CDK1: variants seen among roughly 807,000 people sequenced by gnomAD.
The protein encoded by CDK1 is cyclin dependent kinase 1.
In CDK1, 5 loss-of-function variants were observed where a neutral mutation model predicts 34.6. The ratio of observed to expected loss-of-function variants is 0.14; its 90% CI spans 0.08 to 0.30. CDK1 has a LOEUF of 0.30. Among genes scored for constraint, CDK1 ranks in the 10% least tolerant of loss-of-function variants. The pLI, the probability that CDK1 is intolerant of heterozygous loss-of-function variation, is 1.00. For synonymous variants in CDK1, 108 were observed against 114.7 expected, an observed-to-expected ratio of 0.94 and a Z score of 0.37; for missense variants, 157 against 345.7, an observed-to-expected ratio of 0.45 and a Z score of 4.33.
chr10:60,779,094 C>A (rs1013945123), intron 1 of CDK1, among the ~76,000 whole-genome samples: 4 of 152,240 alleles, frequency 2.6e-5, no homozygotes, highest in African/African-American at 9.6e-5. Flanking sequence ...CTTGCTCTGC[C>A]CACGGCCCCG....
rs534162251 is a variant in CDK1 at position 60,779,883 on chromosome 10, GTTA to G, written c.-25-255_-25-253del. Among the ~76,000 whole-genome samples, 815 of 152,276 alleles carry G rather than the reference GTTA, an allele frequency of 5.4e-3. 5 individuals carry two copies. The highest frequency in any genetic ancestry group is 0.02 in the Middle Eastern group (6 of 294). Reference sequence around the variant, plus strand: ...GACAAGTTGATACCTGAATTTGAGGGTTATTTTGATTGGAAGAAGCTAAATACT... The same window carrying G: ...GACAAGTTGATACCTGAATTTGAGGGTTTTGATTGGAAGAAGCTAAATACT... On this transcript the variant is annotated intron_variant, in intron 1 of 7. Coordinates refer to ENST00000395284, the MANE Select transcript of CDK1 (RefSeq NM_001786.5).
intron 2 of CDK1, among the ~76,000 whole-genome samples, chr10:60,781,764 C>T (rs896618465): frequency 1.3e-5 from 2 of 152,052 alleles, no homozygotes; most frequent in African/African-American, 4.8e-5. Context: ...TTATCTCCTC[C>T]TCTAGTCCAA....
intron 3 of CDK1, among the ~76,000 whole-genome samples, chr10:60,785,218 A>C (rs1229005888): frequency 6.6e-6 from 1 of 152,200 alleles, no homozygotes; most frequent in Non-Finnish European, 1.5e-5. Flanking sequence ...GCTAGGTCAA[A>C]TGAAAAAGAT....
chr10:60,783,952 C>T (rs1465700770), intron 2 of CDK1, among the ~76,000 whole-genome samples: 2 of 152,138 alleles, frequency 1.3e-5, no homozygotes, highest in Non-Finnish European at 2.9e-5. Context: ...TTTTGAGATA[C>T]AGATAAAAGT....
At chr10:60,793,816 A>T in intron 7 of CDK1, 61 bp from the exon 8 acceptor site, 2 of 882,286 alleles carry the variant, frequency 2.3e-6, no homozygotes, top group East Asian at 2.7e-5. Context: ...GGTTTTATGG[A>T]GATTTTTGTA....
chr10:60,791,012 G>T (rs1293477155), intron 5 of CDK1, among the ~76,000 whole-genome samples: 2 of 152,020 alleles, frequency 1.3e-5, no homozygotes, highest in African/African-American at 2.4e-5. Context: ...GCTATTGTGG[G>T]TCTTTTTTGG....
rs978538324 is a variant in CDK1, at chr10:60,784,695, T to C, written c.38-10T>C. ...GTGTGTCACACAGCATATTATTTAC[T>C]TTGTTTCAGGTACCTATGGAGTTGT... is the stretch of plus-strand genomic sequence containing the variant. On this transcript the variant is annotated splice_polypyrimidine_tract_variant and intron_variant, in intron 2 of 7. Transcript: ENST00000395284. 1.0e-5 allele frequency: 16 copies of C among 1,603,402 alleles called. No individual in the cohort carries two copies. Among genetic ancestry groups the C allele is most frequent in the African/African-American group, 1.3e-5 (1 of 74,324 alleles).
chr10:60,778,617 C>T (rs3213019), intron 1 of CDK1, 47 bp downstream of exon 1: 5 of 152,366 alleles, frequency 3.3e-5, no homozygotes, highest in African/African-American at 1.2e-4. Flanking sequence ...GGCCGAGGGC[C>T]TCGGAGGGCG....
intron 4 of CDK1, chr10:60,786,182 A>G: frequency 1.1e-6 from 1 of 902,318 alleles, no homozygotes; most frequent in Non-Finnish European, 1.3e-6. Flanking sequence ...TTTCAGGTAA[A>G]TTATAAAATT....
At chr10:60,779,442 C>G (rs1000728643) in intron 1 of CDK1, among the ~76,000 whole-genome samples, 3 of 151,764 alleles carry the variant, frequency 2.0e-5, no homozygotes, top group African/African-American at 7.3e-5. Context: ...CTGCTTAGTC[C>G]TTGACATTGT....
At chr10:60,786,347 C>T (rs1232333209) in intron 4 of CDK1, 1 of 879,630 alleles carries the variant, frequency 1.1e-6, no homozygotes. Flanking sequence ...TTTTTTTACA[C>T]AAGGTGGACT....
At chr10:60,785,398 T>C (rs1359156873) in intron 3 of CDK1, among the ~76,000 whole-genome samples, 8 of 152,114 alleles carry the variant, frequency 5.3e-5, no homozygotes, top group Admixed American at 4.6e-4. Flanking sequence ...AAAAATAAGC[T>C]CTCAGCAATT....
chr10:60,786,767 G>A (rs2080319864), intron 4 of CDK1: 1 of 655,892 alleles, frequency 1.5e-6, no homozygotes, highest in South Asian at 6.8e-5. Flanking sequence ...GGCATATTAA[G>A]ATTGTTTTAA....
In CDK1 at chr10:60,794,134, C is replaced by A; in HGVS notation, c.*159C>A. On this transcript the variant is annotated 3_prime_UTR_variant, in exon 8 of 8. Coordinates refer to ENST00000395284, the MANE Select transcript of CDK1 (RefSeq NM_001786.5). ...AATATAACTTAAAAATGTAAATATT[C>A]TATATGAATTTAAATATAATTCTGT... 4.4e-6 allele frequency: 2 copies of A among 457,440 alleles called. No individual in the cohort carries two copies. The highest frequency in any genetic ancestry group is 7.7e-6 in the Non-Finnish European group (2 of 260,000). The allele number at this position is 457,440 out of a possible 1,614,324, so 28.3% of individuals were successfully genotyped here.
intron 1 of CDK1, 57 bp from the exon 2 acceptor site, chr10:60,780,084 G>A (rs1387225577): frequency 2.4e-6 from 2 of 822,806 alleles, no homozygotes; most frequent in South Asian, 1.4e-5. Context: ...TTTCATTAAT[G>A]CTTAAAACTA....
At chr10:60,778,935 G>A (rs1218042206) in intron 1 of CDK1, among the ~76,000 whole-genome samples, 2 of 152,218 alleles carry the variant, frequency 1.3e-5, no homozygotes, top group Non-Finnish European at 2.9e-5. Flanking sequence ...CGGAGTAGCA[G>A]GCTCTTTCCT....
In CDK1 at chr10:60,792,202, C is replaced by T. The variant is rs2080365179; in HGVS notation, c.708C>T (p.Asp236=). The T allele has an allele frequency of 2.5e-6, 4 of 1,612,472 alleles. No individual in the cohort carries two copies. The highest frequency in any genetic ancestry group is 4.5e-5 in the East Asian group (2 of 44,838). The stretch of plus-strand genomic sequence containing the variant: ...GGCCAGAAGTGGAATCTTTACAGGA[C>T]TATAAGAATACATTTCCCAAATGGA... ...EVWPEVESLQ[D]YKNTFPKWKP... Residue 236 remains aspartate, a synonymous_variant, in exon 7 of 8, where the codon GAC becomes GAT. Transcript: ENST00000395284.
intron 7 of CDK1, among the ~76,000 whole-genome samples, chr10:60,792,601 A>G (rs948944073): frequency 7.3e-5 from 11 of 151,710 alleles, no homozygotes; most frequent in Non-Finnish European, 1.2e-4. Context: ...CATTTTTGTC[A>G]CTATTGAGCC....
intron 3 of CDK1, 124 bp downstream of exon 3, chr10:60,784,985 ATT>A: frequency 2.5e-6 from 2 of 805,370 alleles, no homozygotes; most frequent in Non-Finnish European, 4.0e-6. Context: ...CTAGAACCCT[ATT>A]TTTGGTAGTT....
Sources: allele counts gnomAD v4.1 joint callset (sites outside exome capture counted in the v4.1 genomes callset), GRCh38; gene constraint gnomAD v4.1.1; transcripts MANE v1.5; gene names NCBI Gene and HGNC (gene_info 2026-07-23, HGNC 2026-07-21).